Variants in HS3ST3A1 observed in about 807,000 individuals in gnomAD.
HS3ST3A1 encodes heparan sulfate glucosamine 3-O-sulfotransferase 3A1.
HS3ST3A1 carries 19 observed loss-of-function variants against 25.7 expected under a neutral mutation model. That is an observed-to-expected ratio of 0.74 (90% CI 0.52 to 1.08). HS3ST3A1 has a LOEUF of 1.08. HS3ST3A1 is among the 50% of genes least tolerant of loss of function. HS3ST3A1 has a pLI of 0.00. For synonymous variants in HS3ST3A1, 226 were observed against 278.6 expected (o/e 0.81, Z 1.88); for missense variants, 459 against 594.3 (o/e 0.77, Z 2.37).
chr17:13,575,192 T>G (rs1207446297), intron 1 of HS3ST3A1, among the ~76,000 whole-genome samples: 1 of 152,226 alleles, frequency 6.6e-6, no homozygotes, highest in Non-Finnish European at 1.5e-5. Context: ...TTGCCTAGCA[T>G]TATGTGTACT....
At chr17:13,519,170 C>G (rs1425936699) in intron 1 of HS3ST3A1, among the ~76,000 whole-genome samples, 3 of 152,150 alleles carry the variant, frequency 2.0e-5, no homozygotes, top group African/African-American at 7.2e-5. Context: ...TTGCTTTGAT[C>G]CATTTTCTCT....
At position 13,600,851 on chromosome 17, in the gene HS3ST3A1, C is replaced by A. The variant is rs1908710877; in HGVS notation, c.279G>T (p.Leu93=). Residue 93 remains leucine (L), a synonymous_variant, in exon 1 of 2, where the codon CTG becomes CTT. Coordinates refer to ENST00000284110, the MANE Select transcript of HS3ST3A1 (RefSeq NM_006042.3). ...AAAQRKRLLQ[L]PQWRRRRPPA... is the part of the protein sequence containing the mutation. ...GCGGCCGGCGCCTCCGCCACTGCGGCAGTTGCAGGAGGCGCTTTCTCTGTG... is the reference window on the plus strand; with the variant it reads ...GCGGCCGGCGCCTCCGCCACTGCGGAAGTTGCAGGAGGCGCTTTCTCTGTG... The A allele has an allele frequency of 7.0e-7, 1 of 1,436,396 alleles. No homozygotes were observed. Among genetic ancestry groups the A allele is most frequent in the Non-Finnish European group, 9.0e-7 (1 of 1,105,780 alleles). 89.0% of individuals were successfully genotyped at this position (1,436,396 alleles called of 1,614,324 possible). A position where few individuals can be genotyped will look rare whatever the true frequency, so the allele number is the denominator to read the frequency against.
chr17:13,544,279 A>G (rs2142348429), intron 1 of HS3ST3A1, among the ~76,000 whole-genome samples: 1 of 152,356 alleles, frequency 6.6e-6, no homozygotes, highest in South Asian at 2.1e-4. Context: ...TTACATCATA[A>G]GAAGAAGAGC....
intron 1 of HS3ST3A1, among the ~76,000 whole-genome samples, chr17:13,567,137 T>A: frequency 6.6e-6 from 1 of 152,210 alleles, no homozygotes. Context: ...TCATTTGCCA[T>A]TTCAAAAGTT....
intron 1 of HS3ST3A1, among the ~76,000 whole-genome samples, chr17:13,557,436 G>C (rs1352137492): frequency 1.4e-5 from 2 of 140,432 alleles, no homozygotes; most frequent in Non-Finnish European, 3.0e-5. Flanking sequence ...CTTTCAGAGG[G>C]AAGAAAAAAG....
intron 1 of HS3ST3A1, among the ~76,000 whole-genome samples, chr17:13,529,372 C>T (rs1906532183): frequency 6.6e-6 from 1 of 152,144 alleles, no homozygotes; most frequent in Non-Finnish European, 1.5e-5. Flanking sequence ...TCTAAAATAA[C>T]TTCCTTAAGC....
At chr17:13,508,231 C>A (rs1451990032) in intron 1 of HS3ST3A1, among the ~76,000 whole-genome samples, 1 of 152,142 alleles carries the variant, frequency 6.6e-6, no homozygotes, top group East Asian at 1.9e-4. Flanking sequence ...AAAATTGATT[C>A]TTATTCTCAC....
At position 13,571,902 on chromosome 17, in the gene HS3ST3A1, G is replaced by A. The variant is rs113572124; in HGVS notation, c.599+28629C>T. On this transcript the variant is annotated intron_variant, in intron 1 of 1. Transcript: ENST00000284110. ...AGCCTCCTGAGTAGCTAGGACTACCGGCATGTGCCACTGCATCTGGCTAAT... is the reference window on the plus strand; with the variant it reads ...AGCCTCCTGAGTAGCTAGGACTACCAGCATGTGCCACTGCATCTGGCTAAT... 8.2e-3 allele frequency among the ~76,000 whole-genome samples: 1,249 copies of A among 152,216 alleles called. 18 individuals carry two copies. Among genetic ancestry groups the A allele is most frequent in the African/African-American group, 0.028 (1,162 of 41,526 alleles).
Position 13,512,131 on chromosome 17 carries a change from C to T in HS3ST3A1, c.600-15313G>A, listed in dbSNP as rs147948081. On this transcript the variant is annotated intron_variant, in intron 1 of 1. Coordinates refer to ENST00000284110, the MANE Select transcript of HS3ST3A1 (RefSeq NM_006042.3). ...TGGCTAACAAGGTGAAACCCCGTCTCTACTAAAAATACAAAAAATTAGCCG... is the reference window on the plus strand; with the variant it reads ...TGGCTAACAAGGTGAAACCCCGTCTTTACTAAAAATACAAAAAATTAGCCG... Among the ~76,000 whole-genome samples the T allele has an allele frequency of 1.0e-3, 154 of 152,032 alleles. 1 individual carries two copies. Among genetic ancestry groups the T allele is most frequent in the African/African-American group, 3.5e-3 (146 of 41,448 alleles).
Position 13,585,837 on chromosome 17 carries a change from T to G in HS3ST3A1, c.599+14694A>C, listed in dbSNP as rs1908244426. Among the ~76,000 whole-genome samples, 4 of 138,422 alleles carry G rather than the reference T, an allele frequency of 2.9e-5. 1 individual carries two copies. Among genetic ancestry groups the G allele is most frequent in the South Asian group, 2.5e-4 (1 of 3,994 alleles). 90.8% of individuals were successfully genotyped at this position (138,422 alleles called of 152,430 possible). A position where few individuals can be genotyped will look rare whatever the true frequency, so the allele number is the denominator to read the frequency against. On this transcript the variant is annotated intron_variant, in intron 1 of 1. Transcript: ENST00000284110. ...CCTTGAGACCTGTTATTCCTCCTTC[T>G]GCGTTTTTTTTTTTTTTTTTTTTTT...
Position 13,526,285 on chromosome 17 carries a change from C to T in HS3ST3A1, c.600-29467G>A, listed in dbSNP as rs757080156. Among the ~76,000 whole-genome samples the T allele has an allele frequency of 3.4e-4, 51 of 151,836 alleles. 1 individual carries two copies. The highest frequency in any genetic ancestry group is 1.2e-4 in the Non-Finnish European group (8 of 67,940). On this transcript the variant is annotated intron_variant, in intron 1 of 1. Transcript: ENST00000284110. ...TGCTGTCGCCTCAATCCAGACTTCC[C>T]TGCATTGTATCTTAGAGAATTTATG... is the stretch of plus-strand genomic sequence containing the variant.
chr17:13,550,324 C>G (rs186781898), intron 1 of HS3ST3A1, among the ~76,000 whole-genome samples: 2 of 152,274 alleles, frequency 1.3e-5, no homozygotes, highest in East Asian at 3.9e-4. Flanking sequence ...ATTTGCCAAC[C>G]TCCCTTCCAG....
intron 1 of HS3ST3A1, among the ~76,000 whole-genome samples, chr17:13,501,202 G>T (rs963057704): frequency 1.3e-5 from 2 of 152,146 alleles, no homozygotes; most frequent in Non-Finnish European, 2.9e-5. Flanking sequence ...CAACGTGTAT[G>T]TACTTAACAC....
chr17:13,530,599 G>T (rs1364877439), intron 1 of HS3ST3A1, among the ~76,000 whole-genome samples: 4 of 151,928 alleles, frequency 2.6e-5, no homozygotes, highest in Non-Finnish European at 5.9e-5. Flanking sequence ...AATCTGTTTG[G>T]TTATGAAACA....
intron 1 of HS3ST3A1, 28 bp from the exon 2 acceptor site, chr17:13,496,846 G>A (rs1466855064): frequency 6.3e-7 from 1 of 1,599,906 alleles, no homozygotes; most frequent in Non-Finnish European, 8.5e-7. Context: ...GCATGTCAGA[G>A]ATGTGCAGAG....
intron 1 of HS3ST3A1, among the ~76,000 whole-genome samples, chr17:13,553,689 G>C (rs1478362814): frequency 6.6e-6 from 1 of 152,130 alleles, no homozygotes; most frequent in Non-Finnish European, 1.5e-5. Flanking sequence ...GATGCCCCTA[G>C]CCAGCTAACT....
intron 1 of HS3ST3A1, among the ~76,000 whole-genome samples, chr17:13,581,971 T>G (rs1315671927): frequency 6.6e-6 from 1 of 152,208 alleles, no homozygotes; most frequent in African/African-American, 2.4e-5. Flanking sequence ...ACTTTTTTCT[T>G]TCCTAAATGT....
chr17:13,560,319 A>AAAAAAAAAAAAAAAAAAAT (rs1907502490), intron 1 of HS3ST3A1, among the ~76,000 whole-genome samples: 4 of 143,922 alleles, frequency 2.8e-5, no homozygotes, highest in Non-Finnish European at 4.5e-5. Flanking sequence ...AAAAAAAAAA[A>AAAAAAAAAAAAAAAAAAAT]GTGTATTACC....
intron 1 of HS3ST3A1, among the ~76,000 whole-genome samples, chr17:13,511,770 A>C (rs916881726): frequency 1.2e-4 from 18 of 151,784 alleles, no homozygotes; most frequent in African/African-American, 4.1e-4. Context: ...TTGAGATTTA[A>C]TTACAATTTA....
Sources: gnomAD v4.1 joint callset for allele counts (sites outside exome capture counted in the v4.1 genomes callset) on GRCh38, gnomAD v4.1.1 for gene constraint, MANE v1.5 for transcripts, NCBI Gene and HGNC (gene_info 2026-07-23, HGNC 2026-07-21) for gene names.